The following WFS1 variants were observed in gnomAD, a reference collection of about 807,000 sequenced individuals.
WFS1 encodes the protein wolframin.
A neutral mutation model predicts 68.5 loss-of-function variants in WFS1; 90 were observed. That is an observed-to-expected ratio of 1.31 (90% CI 1.11 to 1.56). The LOEUF is 1.56. Ranked by LOEUF, WFS1 falls within the 40% of genes most tolerant of loss-of-function variation. WFS1 has a pLI of 0.00. For synonymous variants in WFS1, 860 were observed against 540.7 expected (o/e 1.59, Z -8.19); for missense variants, 1,767 against 1,232.6 (o/e 1.43, Z -6.49).
At chr4:6,271,912 C>T (rs1478801536) in intron 1 of WFS1, among the ~76,000 whole-genome samples, 1 of 152,204 alleles carries the variant, frequency 6.6e-6, no homozygotes, top group East Asian at 1.9e-4. Context: ...CTCCTGTGTC[C>T]TCTCTCCAGC....
At chr4:6,284,596 G>A (rs1730258955) in intron 2 of WFS1, among the ~76,000 whole-genome samples, 1 of 151,970 alleles carries the variant, frequency 6.6e-6, no homozygotes, top group African/African-American at 2.4e-5. Flanking sequence ...TTCACTAGAG[G>A]TGCTGGCGTT....
chr4:6,279,563 T>G (rs1048153118), intron 2 of WFS1, among the ~76,000 whole-genome samples: 1 of 152,078 alleles, frequency 6.6e-6, no homozygotes, highest in African/African-American at 2.4e-5. Flanking sequence ...ACAGAGCAGG[T>G]TGGCCTGTCC....
intron 1 of WFS1, among the ~76,000 whole-genome samples, chr4:6,274,678 G>T (rs1729940810): frequency 6.6e-6 from 1 of 152,114 alleles, no homozygotes; most frequent in African/African-American, 2.4e-5. Context: ...CTTGAAGGGT[G>T]CTTAGGGTCT....
intron 1 of WFS1, among the ~76,000 whole-genome samples, chr4:6,276,234 CT>C: frequency 6.6e-6 from 1 of 152,216 alleles, no homozygotes; most frequent in Non-Finnish European, 1.5e-5. Context: ...CCTAACGCCG[CT>C]CATCCAGGGC....
chr4:6,301,756 C>G lies in WFS1; in HGVS notation c.1961C>G (p.Ser654Ter), dbSNP rs1189512943. The change falls in exon 8 of 8, where the codon TCA (serine) becomes TGA (stop). Residue 654 changes from serine to a stop codon, truncating the protein, a stop_gained. Coordinates refer to ENST00000226760, the MANE Select transcript of WFS1 (RefSeq NM_006005.3). LOFTEE classifies it high-confidence loss of function. ...TTCTGCTGGTTCTATGTGTACCGCT[C>G]AGAGGGCATGAAGGTCTACAACTCC... ...VLFCWFYVYR[S>*]EGMKVYNSTL... The G allele has an allele frequency of 1.2e-6, 2 of 1,613,830 alleles. No homozygotes were observed. The highest frequency in any genetic ancestry group is 1.1e-5 in the South Asian group (1 of 91,084).
intron 2 of WFS1, among the ~76,000 whole-genome samples, chr4:6,278,357 C>T (rs1730058598): frequency 6.6e-6 from 1 of 152,174 alleles, no homozygotes; most frequent in South Asian, 2.1e-4. Context: ...CCCCTGGGCA[C>T]CTTCTCCAGC....
rs1443751733 is a variant in WFS1 at position 6,301,802 on chromosome 4, T to G, written c.2007T>G (p.Tyr669Ter). The G allele has an allele frequency of 4.3e-6, 7 of 1,613,216 alleles. No individual in the cohort carries two copies. The African/African-American group carries it at 8.0e-5, about 18-fold the overall frequency. Residue 669 changes from tyrosine to a stop codon, truncating the protein, a stop_gained, in exon 8 of 8, where the codon TAT becomes TAG. Coordinates refer to ENST00000226760, the MANE Select transcript of WFS1 (RefSeq NM_006005.3). LOFTEE classifies it high-confidence loss of function. ...ACTCCACACTGACCTGGCAGCAGTA[T>G]GGTGCGCTGTGCGGGCCACGCGCCT... is the stretch of plus-strand genomic sequence containing the variant. The part of the protein sequence containing the change: ...VYNSTLTWQQ[Y>*]GALCGPRAWK...
intron 7 of WFS1, among the ~76,000 whole-genome samples, chr4:6,299,876 CTGCA>C (rs1560416783): frequency 2.0e-5 from 1 of 48,982 alleles, no homozygotes; most frequent in Non-Finnish European, 3.5e-5. Context: ...TAGGGGTGGG[CTGCA>C]TGTGTGTGTG....
At chr4:6,288,166 G>A (rs1363415575) in intron 3 of WFS1, among the ~76,000 whole-genome samples, 1 of 148,608 alleles carries the variant, frequency 6.7e-6, no homozygotes, top group Non-Finnish European at 1.5e-5. Context: ...GCAGTGAGCC[G>A]AGATCGCACC....
chr4:6,271,761 C>G (rs139770847), intron 1 of WFS1, among the ~76,000 whole-genome samples: 1 of 152,220 alleles, frequency 6.6e-6, no homozygotes, highest in African/African-American at 2.4e-5. Flanking sequence ...GGTCCCGATC[C>G]GGGCCTGGCT....
chr4:6,271,947 T>C (rs1729856258), intron 1 of WFS1, among the ~76,000 whole-genome samples: 1 of 152,128 alleles, frequency 6.6e-6, no homozygotes, highest in South Asian at 2.1e-4. Flanking sequence ...CACCTGCGTG[T>C]TCCTGGCCAC....
Position 6,302,427 on chromosome 4 carries a change from G to C in WFS1, c.2632G>C (p.Ala878Pro). The part of the protein sequence containing the change: ...RSTVHGAVKF[A>P]FDFFFFPFLS... The stretch of plus-strand genomic sequence containing the variant: ...CACCGTGCATGGCGCCGTGAAGTTC[G>C]CCTTCGACTTCTTTTTCTTCCCATT... Residue 878 changes from alanine to proline, a missense_variant, in exon 8 of 8, where the codon GCC becomes CCC. Physicochemically the swap from Ala to Pro is conservative, Grantham distance 27. Transcript: ENST00000226760. 2 of 1,613,134 alleles carry C rather than the reference G, an allele frequency of 1.2e-6. No individual in the cohort carries two copies. The highest frequency in any genetic ancestry group is 2.7e-5 in the African/African-American group (2 of 75,072).
At chr4:6,273,576 C>T (rs1430391811) in intron 1 of WFS1, among the ~76,000 whole-genome samples, 1 of 152,122 alleles carries the variant, frequency 6.6e-6, no homozygotes, top group Non-Finnish European at 1.5e-5. Context: ...GGCTTCTGCC[C>T]ACATGCATTA....
intron 7 of WFS1, among the ~76,000 whole-genome samples, chr4:6,300,103 T>C (rs1049550836): frequency 2.0e-5 from 3 of 152,094 alleles, no homozygotes; most frequent in Non-Finnish European, 2.9e-5. Flanking sequence ...CTGGGCCCTC[T>C]GCCTGTGTCT....
chr4:6,286,459 C>A (rs1197657954), intron 2 of WFS1, among the ~76,000 whole-genome samples: 1 of 152,134 alleles, frequency 6.6e-6, no homozygotes, highest in Non-Finnish European at 1.5e-5. Flanking sequence ...TTCCCAGTCT[C>A]CAGAATCGAA....
chr4:6,281,453 T>G (rs1177184873), intron 2 of WFS1, among the ~76,000 whole-genome samples: 1 of 152,024 alleles, frequency 6.6e-6, no homozygotes, highest in African/African-American at 2.4e-5. Flanking sequence ...ATTGTTTACA[T>G]TAAAGGCCAG....
Position 6,277,597 on chromosome 4 carries a change from G to GCTGGCC in WFS1, c.153_158dup (p.Pro52_Gly53dup), listed in dbSNP as rs1251402263. The GCTGGCC allele has an allele frequency of 3.2e-6, 5 of 1,577,494 alleles. No individual in the cohort carries two copies. The highest frequency in any genetic ancestry group is 2.7e-5 in the African/African-American group (2 of 74,196). On this transcript the variant is annotated inframe_insertion, in exon 2 of 8. Coordinates refer to ENST00000226760, the MANE Select transcript of WFS1 (RefSeq NM_006005.3). ...AAGGCCCCGAGCACCCGGACCCCAGGCTGGCCCTGGCCCTGGTGTTAGAGA... is the reference window on the plus strand; with the variant it reads ...AAGGCCCCGAGCACCCGGACCCCAGGCTGGCCCTGGCCCTGGCCCTGGTGTTAGAGA...
Position 6,301,836 on chromosome 4 carries a change from A to G in WFS1, c.2041A>G (p.Thr681Ala), listed in dbSNP as rs1353393888. 6.2e-7 allele frequency: 1 copy of G among 1,612,996 alleles called. No individual in the cohort carries two copies. Among genetic ancestry groups the G allele is most frequent in the Admixed American group, 1.7e-5 (1 of 60,024 alleles). ...GTGCGGGCCACGCGCCTGGAAGGAG[A>G]CCAACATGGCGCGCACCCAGATCCT... ...ALCGPRAWKE[T>A]NMARTQILCS... Residue 681 changes from threonine to alanine, a missense_variant, in exon 8 of 8, where the codon ACC becomes GCC. Transcript: ENST00000226760.
Position 6,301,880 on chromosome 4 carries a change from C to T in WFS1, c.2085C>T (p.Gly695=), listed in dbSNP as rs150568382. ...RTQILCSHLE[G]HRVTWTGRFK... is the part of the protein sequence containing the mutation. Reference sequence around the variant, plus strand: ...AGATCCTCTGCAGCCACCTGGAGGGCCACAGGGTCACGTGGACCGGCCGCT... The same window carrying T: ...AGATCCTCTGCAGCCACCTGGAGGGTCACAGGGTCACGTGGACCGGCCGCT... Residue 695 remains glycine, a synonymous_variant, in exon 8 of 8, where the codon GGC becomes GGT. Coordinates refer to ENST00000226760, the MANE Select transcript of WFS1 (RefSeq NM_006005.3). 102 of 1,612,896 alleles carry T rather than the reference C, an allele frequency of 6.3e-5. No individual in the cohort carries two copies. The African/African-American group carries it at 1.3e-3, about 21-fold the overall frequency.
Sources: allele counts gnomAD v4.1 joint callset (sites outside exome capture counted in the v4.1 genomes callset), GRCh38; gene constraint gnomAD v4.1.1; transcripts MANE v1.5; gene names NCBI Gene and HGNC (gene_info 2026-07-23, HGNC 2026-07-21).